The following RUNX1 variants were observed in gnomAD, a reference collection of about 807,000 sequenced individuals.
The protein encoded by RUNX1 is RUNX family transcription factor 1.
In RUNX1, 19 loss-of-function variants were observed where a neutral mutation model predicts 42.8. The ratio of observed to expected loss-of-function variants is 0.44; its 90% CI spans 0.31 to 0.65. The LOEUF (loss-of-function observed/expected upper bound fraction) is 0.65, where lower values mean the gene tolerates loss of function less well. Ranked by LOEUF, RUNX1 falls within the 30% of genes least tolerant of loss-of-function variation. RUNX1 has a pLI of 0.07. For synonymous variants in RUNX1, 271 were observed against 289.4 expected (o/e 0.94, Z 0.64); for missense variants, 528 against 672.0 (o/e 0.79, Z 2.37).
chr21:34,945,147 G>T (rs1234053524), intron 2 of RUNX1, among the ~76,000 whole-genome samples: 2 of 152,148 alleles, frequency 1.3e-5, no homozygotes, highest in Non-Finnish European at 2.9e-5. Context: ...CCATACAGTG[G>T]TAAACATTTA....
intron 5 of RUNX1, among the ~76,000 whole-genome samples, chr21:34,866,463 A>G (rs537446492): frequency 6.6e-6 from 1 of 152,332 alleles, no homozygotes; most frequent in African/African-American, 2.4e-5. Context: ...TTAATTGCGG[A>G]TAACTAAGTA....
intron 2 of RUNX1, among the ~76,000 whole-genome samples, chr21:34,945,130 G>A (rs570805495): frequency 6.6e-6 from 1 of 152,302 alleles, no homozygotes; most frequent in African/African-American, 2.4e-5. Context: ...TATCTGTGAT[G>A]TGCCAGCCAT....
In RUNX1 at chr21:34,907,884, T is replaced by G. The variant is rs183522793; in HGVS notation, c.59-14921A>C. Reference sequence around the variant, plus strand: ...ATTTTGTTTAGAGGTGAAAAGATTCTTAGCAAACATTTTGTCCAATCCATT... The same window carrying G: ...ATTTTGTTTAGAGGTGAAAAGATTCGTAGCAAACATTTTGTCCAATCCATT... On this transcript the variant is annotated intron_variant, in intron 2 of 8. Coordinates refer to ENST00000675419, the MANE Select transcript of RUNX1 (RefSeq NM_001754.5). The surrounding 1 kb of genome is among the most constrained non-coding windows in gnomAD (Gnocchi z 5.3). Among the ~76,000 whole-genome samples, 1 of 152,250 alleles carries G rather than the reference T, an allele frequency of 6.6e-6. No individual in the cohort carries two copies. The highest frequency in any genetic ancestry group is 1.9e-4 in the East Asian group (1 of 5,194).
chr21:34,960,222 T>A (rs1357905861), intron 2 of RUNX1, among the ~76,000 whole-genome samples: 1 of 152,178 alleles, frequency 6.6e-6, no homozygotes, highest in Admixed American at 6.5e-5. Context: ...TCTTCCTGGG[T>A]CCATGACTAC....
chr21:34,981,899 GC>G (rs1308153788), intron 2 of RUNX1, among the ~76,000 whole-genome samples: 2 of 152,150 alleles, frequency 1.3e-5, no homozygotes, highest in Non-Finnish European at 2.9e-5. Context: ...GCAGCAAGGA[GC>G]CCCCCTCAAC....
intron 5 of RUNX1, among the ~76,000 whole-genome samples, chr21:34,860,886 C>T (rs140739181): frequency 5.9e-5 from 9 of 152,246 alleles, no homozygotes; most frequent in African/African-American, 1.2e-4. Context: ...AAATCTCCAC[C>T]GAACACTCCC....
chr21:34,952,583 C>T (rs2058616719), intron 2 of RUNX1, among the ~76,000 whole-genome samples: 1 of 152,054 alleles, frequency 6.6e-6, no homozygotes, highest in African/African-American at 2.4e-5. Context: ...TTTGCAATAG[C>T]TTTATGATTC....
At position 34,908,670 on chromosome 21, in the gene RUNX1, AAC is replaced by A. The variant is rs895552422; in HGVS notation, c.59-15709_59-15708del. On this transcript the variant is annotated intron_variant, in intron 2 of 8. Transcript: ENST00000675419. ...ATCTTTTTGTGCTGAAGCTGTAGATAACACAGTTTCACACCCTGCTGCCCAAG... is the reference window on the plus strand; with the variant it reads ...ATCTTTTTGTGCTGAAGCTGTAGATAACAGTTTCACACCCTGCTGCCCAAG... 8.8e-4 allele frequency among the ~76,000 whole-genome samples: 134 copies of A among 152,306 alleles called. 1 individual carries two copies. Among genetic ancestry groups the A allele is most frequent in the African/African-American group, 3.1e-3 (129 of 41,562 alleles).
intron 2 of RUNX1, among the ~76,000 whole-genome samples, chr21:34,911,743 G>C (rs1025249342): frequency 1.3e-5 from 2 of 152,152 alleles, no homozygotes; most frequent in African/African-American, 2.4e-5. Flanking sequence ...CTAGACCTGG[G>C]AGCACCTGTC....
chr21:34,944,345 C>T (rs546630008), intron 2 of RUNX1, among the ~76,000 whole-genome samples: 4 of 152,296 alleles, frequency 2.6e-5, no homozygotes, highest in South Asian at 4.1e-4. Flanking sequence ...CTCACTCGTA[C>T]TAAACAAAAC....
At chr21:34,944,378 C>T (rs752517734) in intron 2 of RUNX1, among the ~76,000 whole-genome samples, 1 of 152,204 alleles carries the variant, frequency 6.6e-6, no homozygotes, top group Non-Finnish European at 1.5e-5. Context: ...CTGAATTACA[C>T]AGGAATCTGG....
Position 34,792,052 on chromosome 21 carries a change from C to A in RUNX1, c.*83G>T. ...CCGGGCCCAGGGCCCGGGATCCCGG[C>A]GGGCTTGTCGCGAACAGGAGGCCCG... is the stretch of plus-strand genomic sequence containing the variant. On this transcript the variant is annotated 3_prime_UTR_variant, in exon 9 of 9. Transcript: ENST00000675419. The surrounding 1 kb of genome is among the most constrained non-coding windows in gnomAD (Gnocchi z 6.9). The A allele has an allele frequency of 1.1e-6, 1 of 899,190 alleles. No homozygotes were observed. Among genetic ancestry groups the A allele is most frequent in the Non-Finnish European group, 1.5e-6 (1 of 652,516 alleles). 55.7% of individuals were successfully genotyped at this position (899,190 alleles called of 1,614,324 possible).
rs201214658 is a variant in RUNX1 at position 34,789,933 on chromosome 21, GA to G, written c.*2201del. On this transcript the variant is annotated 3_prime_UTR_variant, in exon 9 of 9. Transcript: ENST00000675419. ...CAGGTCAGACATGGTAACATGTGCT[GA>G]AAAAAAACATTTACGTTTAATTTGG... is the stretch of plus-strand genomic sequence containing the variant. 5 of 232,526 alleles carry G rather than the reference GA, an allele frequency of 2.2e-5. No homozygotes were observed. The highest frequency in any genetic ancestry group is 1.8e-4 in the South Asian group (1 of 5,504). The allele number at this position is 232,526 out of a possible 1,614,324, so 14.4% of individuals were successfully genotyped here. A position where few individuals can be genotyped will look rare whatever the true frequency, so the allele number is the denominator to read the frequency against.
intron 2 of RUNX1, among the ~76,000 whole-genome samples, chr21:34,975,160 A>C (rs2058791739): frequency 6.6e-6 from 1 of 152,244 alleles, no homozygotes; most frequent in Admixed American, 6.5e-5. Flanking sequence ...GTGGAGGAAA[A>C]GACTTCCCCC....
intron 5 of RUNX1, among the ~76,000 whole-genome samples, chr21:34,872,415 C>T (rs1211031060): frequency 2.0e-5 from 3 of 152,212 alleles, no homozygotes; most frequent in South Asian, 2.1e-4. Context: ...ACATCCCTGA[C>T]CCAGGATAGC....
At chr21:34,882,792 C>T (rs1011461235) in intron 4 of RUNX1, among the ~76,000 whole-genome samples, 5 of 151,570 alleles carry the variant, frequency 3.3e-5, no homozygotes, top group East Asian at 1.9e-4. Context: ...TTTCACTTCC[C>T]GTTGTAAAGT....
At chr21:34,973,388 G>C (rs1187201398) in intron 2 of RUNX1, among the ~76,000 whole-genome samples, 1 of 152,202 alleles carries the variant, frequency 6.6e-6, no homozygotes, top group African/African-American at 2.4e-5. Context: ...TCCTGACCTG[G>C]ATTGGACAAG....
chr21:34,810,758 A>T (rs1347023183), intron 7 of RUNX1, among the ~76,000 whole-genome samples: 1 of 152,176 alleles, frequency 6.6e-6, no homozygotes. Context: ...TGGCACCTTG[A>T]AGGCAGGAAA....
chr21:34,913,463 T>G (rs2058288466), intron 2 of RUNX1, among the ~76,000 whole-genome samples: 1 of 151,608 alleles, frequency 6.6e-6, no homozygotes, highest in Admixed American at 6.6e-5. Flanking sequence ...AGGCCAGGAG[T>G]GTCAGCTTTG....
Sources: gnomAD v4.1 joint callset for allele counts (sites outside exome capture counted in the v4.1 genomes callset) on GRCh38, gnomAD v4.1.1 for gene constraint, Gnocchi (gnomAD v3.1) non-coding constraint, MANE v1.5 for transcripts, NCBI Gene and HGNC (gene_info 2026-07-23, HGNC 2026-07-21) for gene names.